Variants in ENTREP2 observed in about 807,000 individuals in gnomAD.
The protein encoded by ENTREP2 is endosomal transmembrane epsin interactor 2.
the ENTREP2 span, among the ~76,000 whole-genome samples, chr15:29,414,622 T>C: frequency 3.3e-5 from 5 of 152,146 alleles, no homozygotes; most frequent in South Asian, 1.0e-3. Flanking sequence ...ATTCAAAAGC[T>C]AGCAGAAGGC....
chr15:29,465,065 G>A, the ENTREP2 span, among the ~76,000 whole-genome samples: 5 of 152,082 alleles, frequency 3.3e-5, no homozygotes, highest in Non-Finnish European at 7.3e-5. Context: ...CCCTTCACCT[G>A]AGGCAGTGAC....
the ENTREP2 span, among the ~76,000 whole-genome samples, chr15:29,133,204 C>T: frequency 6.6e-5 from 10 of 151,596 alleles, no homozygotes; most frequent in Non-Finnish European, 1.3e-4. Context: ...TGGTAACCTC[C>T]TCAAGGTCCT....
the ENTREP2 span, among the ~76,000 whole-genome samples, chr15:29,542,498 G>C: frequency 6.6e-6 from 1 of 151,482 alleles, no homozygotes; most frequent in Non-Finnish European, 1.5e-5. Context: ...TAGAGACGGG[G>C]TTTCACTGTG....
chr15:29,235,080 C>A, the ENTREP2 span: 1 of 1,086,182 alleles, frequency 9.2e-7, no homozygotes, highest in Non-Finnish European at 1.4e-6. Context: ...TCCTCCAGCC[C>A]GAGGGACCTT....
the ENTREP2 span, among the ~76,000 whole-genome samples, chr15:29,645,548 C>CTAT: frequency 3.3e-5 from 5 of 151,256 alleles, no homozygotes; most frequent in Non-Finnish European, 5.9e-5. Context: ...ATGTGATTAC[C>CTAT]TTATTTATTT....
At chr15:29,343,796 T>C in the ENTREP2 span, among the ~76,000 whole-genome samples, 4 of 152,158 alleles carry the variant, frequency 2.6e-5, no homozygotes, top group African/African-American at 9.7e-5. Context: ...ATATCTCACC[T>C]ACTCAAAACA....
the ENTREP2 span, among the ~76,000 whole-genome samples, chr15:29,579,200 CTTTTA>C: frequency 5.3e-5 from 8 of 152,144 alleles, no homozygotes; most frequent in African/African-American, 1.9e-4. Context: ...AACTCCTTCA[CTTTTA>C]TTTTATTAAG....
the ENTREP2 span, among the ~76,000 whole-genome samples, chr15:29,460,573 G>A: frequency 6.6e-6 from 1 of 152,162 alleles, no homozygotes; most frequent in Non-Finnish European, 1.5e-5. Context: ...GGAGGCTGCA[G>A]TGACCCGAGA....
the ENTREP2 span, among the ~76,000 whole-genome samples, chr15:29,556,648 C>T: frequency 6.6e-6 from 1 of 152,190 alleles, no homozygotes; most frequent in South Asian, 2.1e-4. Context: ...GACTCCCGCA[C>T]ATTTCTGTCT....
the ENTREP2 span, among the ~76,000 whole-genome samples, chr15:29,605,124 C>T: frequency 6.6e-6 from 1 of 152,208 alleles, no homozygotes; most frequent in Admixed American, 6.5e-5. Context: ...CCCACCCATC[C>T]ACCAGCCTGT....
the ENTREP2 span, among the ~76,000 whole-genome samples, chr15:29,418,492 C>A: frequency 6.6e-6 from 1 of 152,086 alleles, no homozygotes; most frequent in African/African-American, 2.4e-5. Flanking sequence ...CAGATCCCAC[C>A]TACCCGAAGG....
At chr15:29,291,940 A>C in the ENTREP2 span, among the ~76,000 whole-genome samples, 1 of 152,096 alleles carries the variant, frequency 6.6e-6, no homozygotes, top group Non-Finnish European at 1.5e-5. Context: ...TACCATTTTA[A>C]ATCAGATAAA....
chr15:29,371,473 C>T, the ENTREP2 span, among the ~76,000 whole-genome samples: 1 of 151,458 alleles, frequency 6.6e-6, no homozygotes, highest in African/African-American at 2.4e-5. Flanking sequence ...TGAAAGATGG[C>T]CTGATATTGA....
chr15:29,377,004 G>A, the ENTREP2 span: 1 of 152,216 alleles, frequency 6.6e-6, no homozygotes, highest in Admixed American at 6.5e-5. Context: ...CTTTCAGAGA[G>A]GGCAACTGAC....
chr15:29,328,838 T>C, the ENTREP2 span, among the ~76,000 whole-genome samples: 4 of 152,160 alleles, frequency 2.6e-5, no homozygotes, highest in African/African-American at 7.2e-5. Flanking sequence ...TTGATGGTTA[T>C]ATATAGAAAT....
At chr15:29,403,979 A>G in the ENTREP2 span, among the ~76,000 whole-genome samples, 7 of 152,118 alleles carry the variant, frequency 4.6e-5, no homozygotes, top group Non-Finnish European at 7.4e-5. Flanking sequence ...TCCCTGCTGC[A>G]GGTACTGCAC....
At chr15:29,243,920 T>C in the ENTREP2 span, among the ~76,000 whole-genome samples, 2 of 152,210 alleles carry the variant, frequency 1.3e-5, no homozygotes, top group African/African-American at 4.8e-5. Flanking sequence ...AGAGCATAAG[T>C]CAAATCAAAT....
At chr15:29,464,125 T>C in the ENTREP2 span, among the ~76,000 whole-genome samples, 2 of 152,044 alleles carry the variant, frequency 1.3e-5, no homozygotes, top group Non-Finnish European at 2.9e-5. Flanking sequence ...TGGATTGCGG[T>C]GGTGGCTGCA....
chr15:29,170,767 T>TC, the ENTREP2 span, among the ~76,000 whole-genome samples: 1 of 152,252 alleles, frequency 6.6e-6, no homozygotes, highest in Non-Finnish European at 1.5e-5. Context: ...CACTTTGATC[T>TC]CAGACTTCTA....
Sources: allele counts gnomAD v4.1 joint callset (sites outside exome capture counted in the v4.1 genomes callset), GRCh38; gene constraint gnomAD v4.1.1; transcripts MANE v1.5; gene names NCBI Gene and HGNC (gene_info 2026-07-23, HGNC 2026-07-21).